Variants in GRM5 observed in about 807,000 individuals in gnomAD.
GRM5 encodes the protein glutamate metabotropic receptor 5.
GRM5 carries 19 observed loss-of-function variants against 83.1 expected under a neutral mutation model. The observed-to-expected ratio is 0.23, with a 90% CI of 0.16 to 0.34. The LOEUF is 0.34. GRM5 is among the 10% of genes least tolerant of loss of function. The probability of loss-of-function intolerance (pLI) is 1.00; values close to 1 mark genes in which losing one functional copy is unlikely to be tolerated. For synonymous variants in GRM5, 675 were observed against 633.6 expected, an observed-to-expected ratio of 1.07 and a Z score of -0.98; for missense variants, 1,160 against 1,588.3, an observed-to-expected ratio of 0.73 and a Z score of 4.58.
intron 3 of GRM5, among the ~76,000 whole-genome samples, chr11:88,838,007 C>A (rs1944123275): frequency 7.3e-6 from 1 of 136,988 alleles, no homozygotes; most frequent in African/African-American, 2.7e-5. Flanking sequence ...ATGTCGTGAA[C>A]CCGGGAGGCG....
chr11:88,640,893 G>T (rs1490242237), intron 4 of GRM5, among the ~76,000 whole-genome samples: 1 of 152,102 alleles, frequency 6.6e-6, no homozygotes. Context: ...GTAATTTATA[G>T]AGATGCCATT....
At chr11:88,723,436 G>C (rs901607128) in intron 3 of GRM5, among the ~76,000 whole-genome samples, 17 of 152,170 alleles carry the variant, frequency 1.1e-4, no homozygotes, top group African/African-American at 3.1e-4. Flanking sequence ...AGTATGTTTT[G>C]TTATGTAGGA....
intron 2 of GRM5, among the ~76,000 whole-genome samples, chr11:88,858,009 A>C (rs542449563): frequency 7.2e-5 from 11 of 152,190 alleles, no homozygotes; most frequent in African/African-American, 2.4e-4. Flanking sequence ...CATGGATACG[A>C]AAACTTTGTT....
intron 2 of GRM5, among the ~76,000 whole-genome samples, chr11:88,988,291 G>A (rs1005066375): frequency 5.9e-5 from 9 of 151,854 alleles, no homozygotes; most frequent in East Asian, 3.9e-4. Context: ...GAAATGAAGC[G>A]AGAAGGGAAG....
Position 88,632,726 on chromosome 11 carries a change from G to A in GRM5, c.1147+20442C>T, listed in dbSNP as rs144156827. 2.9e-3 allele frequency among the ~76,000 whole-genome samples: 443 copies of A among 152,192 alleles called. 1 individual carries two copies. The highest frequency in any genetic ancestry group is 0.01 in the African/African-American group (422 of 41,520). On this transcript the variant is annotated intron_variant, in intron 4 of 9. Coordinates refer to ENST00000305447, the MANE Select transcript of GRM5 (RefSeq NM_001143831.3). ...GAGTAGAATGGCTGCACCACATGGT[G>A]GGTATATGTTTAACTTTTTAAGAAA...
rs184301269 is a variant in GRM5 at position 89,001,954 on chromosome 11, G to A, written c.661+45258C>T. On this transcript the variant is annotated intron_variant, in intron 2 of 9. Coordinates refer to ENST00000305447, the MANE Select transcript of GRM5 (RefSeq NM_001143831.3). ...TTGTTCTTAATGCTCTAACTGAAGC[G>A]TAATTTTTACTTATACTAAAACAAA... Among the ~76,000 whole-genome samples, 93 of 152,118 alleles carry A rather than the reference G, an allele frequency of 6.1e-4. 1 individual carries two copies. The highest frequency in any genetic ancestry group is 5.8e-4 in the East Asian group (3 of 5,180).
At chr11:88,864,462 GCT>G (rs1298686672) in intron 2 of GRM5, among the ~76,000 whole-genome samples, 1 of 151,858 alleles carries the variant, frequency 6.6e-6, no homozygotes, top group African/African-American at 2.4e-5. Context: ...TCATGATTTG[GCT>G]CTCTGTTTGT....
At chr11:88,786,433 A>G (rs1198879252) in intron 3 of GRM5, among the ~76,000 whole-genome samples, 8 of 152,156 alleles carry the variant, frequency 5.3e-5, no homozygotes, top group Non-Finnish European at 8.8e-5. Context: ...GAAAGCTTCC[A>G]AAAGCCAAAG....
At chr11:88,907,892 T>C (rs1945431480) in intron 2 of GRM5, among the ~76,000 whole-genome samples, 2 of 152,192 alleles carry the variant, frequency 1.3e-5, no homozygotes, top group Admixed American at 1.3e-4. Flanking sequence ...TGCACATAAA[T>C]GGTAGCTTTA....
At chr11:88,907,034 G>C (rs925609629) in intron 2 of GRM5, among the ~76,000 whole-genome samples, 1 of 151,508 alleles carries the variant, frequency 6.6e-6, no homozygotes, top group Non-Finnish European at 1.5e-5. Context: ...TGGCTAACAG[G>C]GAAAGAATCC....
chr11:89,006,139 T>C (rs544577298), intron 2 of GRM5, among the ~76,000 whole-genome samples: 11 of 152,286 alleles, frequency 7.2e-5, no homozygotes, highest in African/African-American at 2.2e-4. Flanking sequence ...GAGAACAGTA[T>C]AGCAGAAAGA....
chr11:88,659,449 A>G (rs755411918), intron 3 of GRM5, among the ~76,000 whole-genome samples: 8 of 152,160 alleles, frequency 5.3e-5, no homozygotes, highest in Non-Finnish European at 8.8e-5. Context: ...ACTCTGTTGT[A>G]TTATTGTATG....
intron 3 of GRM5, among the ~76,000 whole-genome samples, chr11:88,696,538 G>C (rs1940907249): frequency 6.6e-6 from 1 of 152,134 alleles, no homozygotes; most frequent in Non-Finnish European, 1.5e-5. Flanking sequence ...TGTCCACCTT[G>C]GTGGGGTATG....
At chr11:89,057,371 T>C (rs984580757) in intron 1 of GRM5, among the ~76,000 whole-genome samples, 5 of 152,094 alleles carry the variant, frequency 3.3e-5, no homozygotes, top group African/African-American at 1.2e-4. Flanking sequence ...TTTGTGACCC[T>C]GTAAACAAGA....
chr11:88,643,203 C>T lies in GRM5; in HGVS notation c.1147+9965G>A, dbSNP rs1296703444. ...CTTTTACTCATTGCAGAAGGCAGAG[C>T]GAGAGCAGGCACATCATATGGCCAG... is the stretch of plus-strand genomic sequence containing the variant. On this transcript the variant is annotated intron_variant, in intron 4 of 9. Coordinates refer to ENST00000305447, the MANE Select transcript of GRM5 (RefSeq NM_001143831.3). Among the ~76,000 whole-genome samples the T allele has an allele frequency of 2.0e-5, 3 of 152,132 alleles. No individual in the cohort carries two copies. The South Asian group carries it at 6.2e-4, about 32-fold the overall frequency.
intron 2 of GRM5, among the ~76,000 whole-genome samples, chr11:88,974,575 C>T (rs1939273144): frequency 6.6e-6 from 1 of 152,080 alleles, no homozygotes; most frequent in South Asian, 2.1e-4. Context: ...TAAATGTCAG[C>T]TTTATTAGAG....
In GRM5 at chr11:88,746,471, TACAA is replaced by T. The variant is rs796574464; in HGVS notation, c.912-93072_912-93069del. ...TGCTGAATTAATCCCAGATATCATA[TACAA>T]ACAAACAAATTATTCCTATACTGGA... On this transcript the variant is annotated intron_variant, in intron 3 of 9. Transcript: ENST00000305447. Among the ~76,000 whole-genome samples, 15 of 152,002 alleles carry T rather than the reference TACAA, an allele frequency of 9.9e-5. No individual in the cohort carries two copies. The South Asian group carries it at 1.0e-3, about 11-fold the overall frequency.
At chr11:88,859,346 GCCCAGAGCATGGAACAGA>G (rs1401543846) in intron 2 of GRM5, among the ~76,000 whole-genome samples, 3 of 151,954 alleles carry the variant, frequency 2.0e-5, no homozygotes, top group African/African-American at 7.2e-5. Context: ...AAAGTACTTA[GCCCAGAGCATGGAACAGA>G]GTAAGCACTG....
intron 3 of GRM5, among the ~76,000 whole-genome samples, chr11:88,790,534 AAT>A (rs1390635705): frequency 6.6e-6 from 1 of 152,162 alleles, no homozygotes; most frequent in East Asian, 1.9e-4. Context: ...CTTCTTTTTT[AAT>A]ATATAGAATA....
Sources: allele counts gnomAD v4.1 joint callset (sites outside exome capture counted in the v4.1 genomes callset), GRCh38; gene constraint gnomAD v4.1.1; transcripts MANE v1.5; gene names NCBI Gene and HGNC (gene_info 2026-07-23, HGNC 2026-07-21).